The following PDP1 variants were observed in gnomAD, a reference collection of about 807,000 sequenced individuals.
PDP1 encodes pyruvate dehydrogenase phosphatase catalytic subunit 1.
In PDP1, 14 loss-of-function variants were observed where a neutral mutation model predicts 37.1. The observed-to-expected ratio is 0.38, with a 90% CI of 0.25 to 0.59. The LOEUF (loss-of-function observed/expected upper bound fraction) is 0.59. PDP1 is among the 20% of genes least tolerant of loss of function. PDP1 has a pLI of 0.67. For synonymous variants in PDP1, 251 were observed against 243.3 expected (o/e 1.03, Z -0.29); for missense variants, 544 against 655.3 (o/e 0.83, Z 1.85).
Position 93,922,812 on chromosome 8 carries a change from G to A in PDP1, c.753G>A (p.Ala251=), listed in dbSNP as rs138553326. The A allele has an allele frequency of 8.7e-6, 14 of 1,614,022 alleles. No homozygotes were observed. In the Admixed American group the frequency reaches 1.0e-4, roughly 12 times the overall value. ...TTGATAATGACATCTCCTTGGAGGC[G>A]CAAGTTGGTGATCCTAATTCTTTTC... is the stretch of plus-strand genomic sequence containing the variant. ...KRLDNDISLE[A]QVGDPNSFLN... is the part of the protein sequence containing the mutation. The change falls in exon 2 of 2, where the codon GCG becomes GCA. Residue 251 remains alanine, a synonymous_variant. Transcript: ENST00000297598. The surrounding 1 kb of genome is among the most constrained non-coding windows in gnomAD (Gnocchi z 4.0).
Position 93,922,250 on chromosome 8 carries a change from A to T in PDP1, c.191A>T (p.Gln64Leu). 6.2e-7 allele frequency: 1 copy of T among 1,614,228 alleles called. No individual in the cohort carries two copies. The highest frequency in any genetic ancestry group is 1.1e-5 in the South Asian group (1 of 91,086). Reference sequence around the variant, plus strand: ...TGCAGGCCAAAGGAGAACTGGTGGCAGTACACCCAAGGAAGGAGATATGCT... The same window carrying T: ...TGCAGGCCAAAGGAGAACTGGTGGCTGTACACCCAAGGAAGGAGATATGCT... ...TFCRPKENWW[Q>L]YTQGRRYAST... The change falls in exon 2 of 2, where the codon CAG (glutamine) becomes CTG (leucine). Residue 64 changes from glutamine (Q) to leucine (L), a missense_variant. This residue lies in a region of PDP1 where 342 missense variants were observed against 414.0 expected (regional missense o/e 0.83). Transcript: ENST00000297598. This position sits in a 1 kb window ranked among gnomAD's most constrained non-coding sequence, Gnocchi z 4.0.
At position 93,922,262 on chromosome 8, in the gene PDP1, G is replaced by A. The variant is rs1810302478; in HGVS notation, c.203G>A (p.Gly68Glu). The change falls in exon 2 of 2, where the codon GGA becomes GAA. Residue 68 changes from glycine to glutamate, a missense_variant. By Grantham distance (98) the Gly-to-Glu change is moderately conservative. This residue lies in a region of PDP1 where 342 missense variants were observed against 414.0 expected (regional missense o/e 0.83). Transcript: ENST00000297598. The surrounding 1 kb of genome is among the most constrained non-coding windows in gnomAD (Gnocchi z 4.0). Reference sequence around the variant, plus strand: ...GAGAACTGGTGGCAGTACACCCAAGGAAGGAGATATGCTTCCACACCACAG... The same window carrying A: ...GAGAACTGGTGGCAGTACACCCAAGAAAGGAGATATGCTTCCACACCACAG... ...PKENWWQYTQ[G>E]RRYASTPQKF... 1 of 1,614,080 alleles carries A rather than the reference G, an allele frequency of 6.2e-7. No homozygotes were observed. Among genetic ancestry groups the A allele is most frequent in the Non-Finnish European group, 8.5e-7 (1 of 1,180,028 alleles).
intron 1 of PDP1, chr8:93,920,698 C>G (rs1810241347): frequency 1.1e-6 from 1 of 916,148 alleles, no homozygotes; most frequent in Admixed American, 6.4e-5. Context: ...TTTGACTATA[C>G]TGCTTCCCTG....
In PDP1 at chr8:93,924,753, CTA is replaced by C. The variant is rs2130397081; in HGVS notation, c.*1081_*1082del. On this transcript the variant is annotated 3_prime_UTR_variant, in exon 2 of 2. Transcript: ENST00000297598. ...ATTAAAATATTTGGGTTTAAAATGA[CTA>C]AATGCTTTAAACATATTGTAGCTTA... The C allele has an allele frequency of 6.0e-6, 1 of 167,116 alleles. No homozygotes were observed. Among genetic ancestry groups the C allele is most frequent in the East Asian group, 1.9e-4 (1 of 5,194 alleles). The allele number at this position is 167,116 out of a possible 1,614,324, so 10.4% of individuals were successfully genotyped here.
intron 1 of PDP1, among the ~76,000 whole-genome samples, chr8:93,918,289 A>G (rs969945849): frequency 6.6e-6 from 1 of 152,236 alleles, no homozygotes; most frequent in Non-Finnish European, 1.5e-5. Context: ...CAATCGGATT[A>G]CATAAACTGG....
At chr8:93,920,511 T>A in intron 1 of PDP1, 1 of 940,206 alleles carries the variant, frequency 1.1e-6, no homozygotes, top group Non-Finnish European at 1.3e-6. Flanking sequence ...ATATATGTTA[T>A]TGAGGAAGAA....
intron 1 of PDP1, chr8:93,919,136 G>A (rs1396615942): frequency 1.1e-4 from 106 of 982,196 alleles, no homozygotes; most frequent in Non-Finnish European, 1.2e-4. Flanking sequence ...AGAATTTGAT[G>A]TTTGAACGTA....
In PDP1 at chr8:93,923,344, G is replaced by T. The variant is rs1810343175; in HGVS notation, c.1285G>T (p.Val429Leu). The T allele has an allele frequency of 6.2e-7, 1 of 1,614,052 alleles. No homozygotes were observed. Among genetic ancestry groups the T allele is most frequent in the Non-Finnish European group, 8.5e-7 (1 of 1,180,010 alleles). ...GTGGGAGACTATGCATAGGCAGGATGTGGTTAGGATTGTGGGTGAGTACCT... is the reference window on the plus strand; with the variant it reads ...GTGGGAGACTATGCATAGGCAGGATTTGGTTAGGATTGTGGGTGAGTACCT... ...GLWETMHRQD[V>L]VRIVGEYLTG... The change falls in exon 2 of 2, where the codon GTG becomes TTG. Residue 429 changes from valine (V) to leucine (L), a missense_variant. By Grantham distance (32) the Val-to-Leu change is conservative (BLOSUM62 1). Around this residue, in one of 5 missense-constraint regions of PDP1, gnomAD observed 159 missense variants for 165.5 expected, o/e 0.96. Coordinates refer to ENST00000297598, the MANE Select transcript of PDP1 (RefSeq NM_018444.4). The surrounding 1 kb of genome is among the most constrained non-coding windows in gnomAD (Gnocchi z 4.3).
chr8:93,917,109 C>G (rs1810085679), intron 1 of PDP1, 30 bp downstream of exon 1: 2 of 460,172 alleles, frequency 4.3e-6, no homozygotes, highest in Non-Finnish European at 8.5e-6. Context: ...TGCCACGAGC[C>G]GCCCCGTCCG....
At position 93,922,776 on chromosome 8, in the gene PDP1, C is replaced by G. The variant is rs150112501; in HGVS notation, c.717C>G (p.Ala239=). Residue 239 remains alanine, a synonymous_variant, in exon 2 of 2, where the codon GCC becomes GCG. Coordinates refer to ENST00000297598, the MANE Select transcript of PDP1 (RefSeq NM_018444.4). The surrounding 1 kb of genome is among the most constrained non-coding windows in gnomAD (Gnocchi z 4.0). ...DIDVKEALIN[A]FKRLDNDISL... Reference sequence around the variant, plus strand: ...ATGTTAAGGAGGCTCTAATTAATGCCTTCAAGAGGCTTGATAATGACATCT... The same window carrying G: ...ATGTTAAGGAGGCTCTAATTAATGCGTTCAAGAGGCTTGATAATGACATCT... 8.5e-4 allele frequency: 1,366 copies of G among 1,614,184 alleles called. No individual in the cohort carries two copies. Among genetic ancestry groups the G allele is most frequent in the Non-Finnish European group, 1.1e-3 (1,260 of 1,180,032 alleles).
At position 93,923,881 on chromosome 8, in the gene PDP1, C is replaced by T; in HGVS notation, c.*208C>T. 3.6e-6 allele frequency: 2 copies of T among 552,768 alleles called. No homozygotes were observed. The highest frequency in any genetic ancestry group is 6.7e-6 in the Non-Finnish European group (2 of 297,170). The allele number at this position is 552,768 out of a possible 1,614,324, so 34.2% of individuals were successfully genotyped here. On this transcript the variant is annotated 3_prime_UTR_variant, in exon 2 of 2. Coordinates refer to ENST00000297598, the MANE Select transcript of PDP1 (RefSeq NM_018444.4). This position sits in a 1 kb window ranked among gnomAD's most constrained non-coding sequence, Gnocchi z 4.3. ...GTCCTGCCTAGCTCAGATTTCATGG[C>T]ACCTGCACTTGAAGCAAGTCACTTC...
In PDP1 at chr8:93,922,474, C is replaced by A; in HGVS notation, c.415C>A (p.Leu139Ile). Residue 139 changes from leucine to isoleucine, a missense_variant, in exon 2 of 2, where the codon CTT becomes ATT. Leu to Ile is a conservative substitution (Grantham distance 5, BLOSUM62 2). Around this residue, in one of 5 missense-constraint regions of PDP1, gnomAD observed 342 missense variants for 414.0 expected, o/e 0.83. Transcript: ENST00000297598. The surrounding 1 kb of genome is among the most constrained non-coding windows in gnomAD (Gnocchi z 4.0). Reference sequence around the variant, plus strand: ...AACCTGCTTGCAGACCAGAGGGATGCTTTTGGGGGTTTTTGATGGCCATGC... The same window carrying A: ...AACCTGCTTGCAGACCAGAGGGATGATTTTGGGGGTTTTTGATGGCCATGC... Reference protein sequence around the residue: ...AATCLQTRGMLLGVFDGHAGC... With the variant: ...AATCLQTRGMILGVFDGHAGC... The A allele has an allele frequency of 1.2e-6, 2 of 1,614,160 alleles. No individual in the cohort carries two copies. The highest frequency in any genetic ancestry group is 1.7e-6 in the Non-Finnish European group (2 of 1,180,038).
rs1199379470 is a variant in PDP1, at chr8:93,923,327, CTA to C, written c.1270_1271del (p.Met424AlafsTer2). ...TTGGCTACTGATGGGTTGTGGGAGA[CTA>C]TGCATAGGCAGGATGTGGTTAGGAT... On this transcript the variant is annotated frameshift_variant, in exon 2 of 2. Coordinates refer to ENST00000297598, the MANE Select transcript of PDP1 (RefSeq NM_018444.4). LOFTEE classifies it high-confidence loss of function. This position sits in a 1 kb window ranked among gnomAD's most constrained non-coding sequence, Gnocchi z 4.3. 2 of 1,614,010 alleles carry C rather than the reference CTA, an allele frequency of 1.2e-6. No homozygotes were observed. The highest frequency in any genetic ancestry group is 1.7e-6 in the Non-Finnish European group (2 of 1,180,006).
chr8:93,921,307 C>T, intron 1 of PDP1: 30 of 985,234 alleles, frequency 3.0e-5, no homozygotes, highest in Non-Finnish European at 3.6e-5. Context: ...TGCCCGTTAG[C>T]CTGGCAAATT....
At position 93,923,235 on chromosome 8, in the gene PDP1, T is replaced by G. The variant is rs778764676; in HGVS notation, c.1176T>G (p.Pro392=). Reference sequence around the variant, plus strand: ...TTATTCCTCCTAATTATCACACACCTCCTTATCTCACTGCTGAGCCAGAGG... The same window carrying G: ...TTATTCCTCCTAATTATCACACACCGCCTTATCTCACTGCTGAGCCAGAGG... ...TKFIPPNYHT[P]PYLTAEPEVT... is the part of the protein sequence containing the mutation. The change falls in exon 2 of 2, where the codon CCT becomes CCG. Residue 392 remains proline, a synonymous_variant. Transcript: ENST00000297598. This position sits in a 1 kb window ranked among gnomAD's most constrained non-coding sequence, Gnocchi z 4.3. 13 of 1,614,004 alleles carry G rather than the reference T, an allele frequency of 8.1e-6. No homozygotes were observed. In the African/African-American group the frequency reaches 1.2e-4, roughly 15 times the overall value.
rs368265235 is a variant in PDP1 at position 93,922,482 on chromosome 8, G to A, written c.423G>A (p.Gly141=). The change falls in exon 2 of 2, where the codon GGG becomes GGA. Residue 141 remains glycine, a synonymous_variant. Coordinates refer to ENST00000297598, the MANE Select transcript of PDP1 (RefSeq NM_018444.4). The surrounding 1 kb of genome is among the most constrained non-coding windows in gnomAD (Gnocchi z 4.0). ...TGCAGACCAGAGGGATGCTTTTGGG[G>A]GTTTTTGATGGCCATGCAGGTTGTG... The part of the protein sequence containing the change: ...TCLQTRGMLL[G]VFDGHAGCAC... 6.2e-7 allele frequency: 1 copy of A among 1,613,970 alleles called. No homozygotes were observed.
At chr8:93,917,765 A>T in intron 1 of PDP1, 1 of 1,512,334 alleles carries the variant, frequency 6.6e-7, no homozygotes, top group Non-Finnish European at 8.9e-7. Context: ...GGCTGGAGCG[A>T]GACCTCGCCC....
rs886063179 is a variant in PDP1, at chr8:93,924,390, AT to A, written c.*724del. 43 of 166,970 alleles carry A rather than the reference AT, an allele frequency of 2.6e-4. No individual in the cohort carries two copies. Among genetic ancestry groups the A allele is most frequent in the Admixed American group, 1.3e-4 (2 of 15,272 alleles). 10.3% of individuals were successfully genotyped at this position (166,970 alleles called of 1,614,324 possible). The stretch of plus-strand genomic sequence containing the variant: ...ATTGAAGTTAAAGAAAGAAAAAAAG[AT>A]TTTTTTATTTGTATTAATGAAAAGC... On this transcript the variant is annotated 3_prime_UTR_variant, in exon 2 of 2. Transcript: ENST00000297598.
rs1810396221 is a variant in PDP1 at position 93,925,093 on chromosome 8, A to G, written c.*1420A>G. 1 of 167,052 alleles carries G rather than the reference A, an allele frequency of 6.0e-6. No individual in the cohort carries two copies. Among genetic ancestry groups the G allele is most frequent in the Admixed American group, 6.5e-5 (1 of 15,276 alleles). The allele number at this position is 167,052 out of a possible 1,614,324, so 10.3% of individuals were successfully genotyped here. A position where few individuals can be genotyped will look rare whatever the true frequency, so the allele number is the denominator to read the frequency against. ...TTGATATTCACCTGGATTTTAATAC[A>G]AGCCAATATCAGCTTCCCATTGTGT... On this transcript the variant is annotated 3_prime_UTR_variant, in exon 2 of 2. Transcript: ENST00000297598.
Sources: allele counts gnomAD v4.1 joint callset (sites outside exome capture counted in the v4.1 genomes callset), GRCh38; gene constraint gnomAD v4.1.1; regional missense constraint gnomAD v4.1.1; non-coding constraint Gnocchi (gnomAD v3.1); transcripts MANE v1.5; gene names NCBI Gene and HGNC (gene_info 2026-07-23, HGNC 2026-07-21).